ATAD5: variants seen among roughly 807,000 people sequenced by gnomAD.
The protein encoded by ATAD5 is ATPase family AAA domain-containing protein 5.
Under a neutral mutation model 176.9 loss-of-function variants are expected in ATAD5, and 58 were observed. The observed-to-expected ratio is 0.33, with a 90% CI of 0.27 to 0.41. The LOEUF is 0.41. Among genes scored for constraint, ATAD5 ranks in the 10% least tolerant of loss-of-function variants. The pLI, the probability that ATAD5 is intolerant of heterozygous loss-of-function variation, is 1.00. For synonymous variants in ATAD5, 640 were observed against 712.6 expected, an observed-to-expected ratio of 0.90 and a Z score of 1.62; for missense variants, 1,789 against 2,094.1, an observed-to-expected ratio of 0.85 and a Z score of 2.84.
chr17:30,852,810 C>T (rs764008303), intron 6 of ATAD5, among the ~76,000 whole-genome samples: 3 of 151,950 alleles, frequency 2.0e-5, no homozygotes, highest in Non-Finnish European at 4.4e-5. Flanking sequence ...GTGAGGACAG[C>T]ACCAATCCGT....
intron 6 of ATAD5, among the ~76,000 whole-genome samples, chr17:30,851,530 G>A (rs1026683277): frequency 1.3e-5 from 2 of 151,804 alleles, no homozygotes; most frequent in African/African-American, 2.4e-5. Flanking sequence ...GGGTAGGCCA[G>A]GCATAGTGGC....
intron 6 of ATAD5, among the ~76,000 whole-genome samples, chr17:30,854,153 A>C (rs1907147121): frequency 6.7e-6 from 1 of 148,622 alleles, no homozygotes; most frequent in South Asian, 2.1e-4. Context: ...TATTAAATAA[A>C]TTTTAAAAAT....
Position 30,844,000 on chromosome 17 carries a change from C to G in ATAD5, c.2329C>G (p.Leu777Val), listed in dbSNP as rs1262903513. The G allele has an allele frequency of 6.4e-7, 1 of 1,559,994 alleles. No individual in the cohort carries two copies. The highest frequency in any genetic ancestry group is 8.6e-7 in the Non-Finnish European group (1 of 1,156,324). The change falls in exon 5 of 23, where the codon CTA (leucine) becomes GTA (valine). Residue 777 changes from leucine to valine, a missense_variant. Transcript: ENST00000321990. ...GAAACTTCAGTGTTTGAATGATGTGCTAGGAAAAAAACTTAACACATCCAC... is the reference window on the plus strand; with the variant it reads ...GAAACTTCAGTGTTTGAATGATGTGGTAGGAAAAAAACTTAACACATCCAC... ...QKKLQCLNDVLGKKLNTSTKN... is the reference protein window; with the variant it reads ...QKKLQCLNDVVGKKLNTSTKN...
At chr17:30,875,694 G>A (rs1908616594) in intron 14 of ATAD5, among the ~76,000 whole-genome samples, 1 of 151,774 alleles carries the variant, frequency 6.6e-6, no homozygotes, top group Admixed American at 6.6e-5. Flanking sequence ...CTACTTGGGG[G>A]GCTGGGCAGG....
chr17:30,837,831 C>T (rs1342519632), intron 3 of ATAD5, among the ~76,000 whole-genome samples: 1 of 152,190 alleles, frequency 6.6e-6, no homozygotes, highest in Non-Finnish European at 1.5e-5. Flanking sequence ...AATACCATTA[C>T]ATAGTGGGTT....
chr17:30,853,722 C>A (rs1375106936), intron 6 of ATAD5, among the ~76,000 whole-genome samples: 2 of 152,164 alleles, frequency 1.3e-5, no homozygotes, highest in Non-Finnish European at 2.9e-5. Flanking sequence ...ACTACTCCAA[C>A]CTCCCATTCT....
chr17:30,881,541 A>C (rs1221817383), intron 18 of ATAD5, among the ~76,000 whole-genome samples: 3 of 152,132 alleles, frequency 2.0e-5, no homozygotes, highest in African/African-American at 7.2e-5. Context: ...GACCTCAAGT[A>C]ATCCACCCAC....
rs1908774379 is a variant in ATAD5, at chr17:30,877,999, G to A, written c.3919-4G>A. 1 of 1,588,758 alleles carries A rather than the reference G, an allele frequency of 6.3e-7. No homozygotes were observed. Among genetic ancestry groups the A allele is most frequent in the African/African-American group, 1.3e-5 (1 of 74,318 alleles). On this transcript the variant is annotated splice_region_variant and splice_polypyrimidine_tract_variant and intron_variant, in intron 16 of 22. Transcript: ENST00000321990. ...TAATATATTAATATTCTAATAAACTGTAGGTTGATGTAATTTTTGATGAAG... is the reference window on the plus strand; with the variant it reads ...TAATATATTAATATTCTAATAAACTATAGGTTGATGTAATTTTTGATGAAG...
chr17:30,832,065 C>A lies in ATAD5; in HGVS notation c.-283C>A, dbSNP rs1439822066. 2.6e-6 allele frequency: 1 copy of A among 382,134 alleles called. No individual in the cohort carries two copies. Among genetic ancestry groups the A allele is most frequent in the East Asian group, 3.7e-5 (1 of 26,680 alleles). 23.7% of individuals were successfully genotyped at this position (382,134 alleles called of 1,614,324 possible). On this transcript the variant is annotated 5_prime_UTR_variant, in exon 1 of 23. Transcript: ENST00000321990. ...TGCTTTCCCTGCCCGGTCCCGAGCG[C>A]TCAGCCTGAAGCGCCGCTTTCGAGG...
chr17:30,856,373 T>C (rs1185909969), intron 7 of ATAD5, among the ~76,000 whole-genome samples: 1 of 152,188 alleles, frequency 6.6e-6, no homozygotes, highest in Admixed American at 6.6e-5. Context: ...GTGGCAGAGG[T>C]TGGGTTTGAA....
At chr17:30,885,415 T>C (rs946402012) in intron 18 of ATAD5, among the ~76,000 whole-genome samples, 4 of 152,120 alleles carry the variant, frequency 2.6e-5, no homozygotes, top group Non-Finnish European at 5.9e-5. Flanking sequence ...TCCTTTGTTT[T>C]TTCTGCCTTT....
intron 10 of ATAD5, chr17:30,862,948 T>A (rs1907729424): frequency 6.6e-6 from 1 of 151,598 alleles, no homozygotes; most frequent in Non-Finnish European, 1.5e-5. Context: ...CCCAGCACTT[T>A]GAGAGGCCGA....
At chr17:30,865,611 C>CTG in intron 10 of ATAD5, 93 bp from the exon 11 acceptor site, 1 of 687,956 alleles carries the variant, frequency 1.5e-6, no homozygotes, top group Non-Finnish European at 2.3e-6. Flanking sequence ...CAAATACCTA[C>CTG]TGTGACATTG....
rs963495322 is a variant in ATAD5, at chr17:30,894,981, G to T, written c.*68G>T. Reference sequence around the variant, plus strand: ...CTTAAGATACATTTTTATATTATGTGGATCTTCATGGAAAAGTATATTTCT... The same window carrying T: ...CTTAAGATACATTTTTATATTATGTTGATCTTCATGGAAAAGTATATTTCT... On this transcript the variant is annotated 3_prime_UTR_variant, in exon 23 of 23. Transcript: ENST00000321990. 3 of 994,398 alleles carry T rather than the reference G, an allele frequency of 3.0e-6. No homozygotes were observed. The highest frequency in any genetic ancestry group is 3.3e-5 in the African/African-American group (2 of 59,944). The allele number at this position is 994,398 out of a possible 1,614,324, so 61.6% of individuals were successfully genotyped here. A position where few individuals can be genotyped will look rare whatever the true frequency, so the allele number is the denominator to read the frequency against.
chr17:30,880,843 T>G (rs1172424623), intron 18 of ATAD5, among the ~76,000 whole-genome samples: 4 of 152,076 alleles, frequency 2.6e-5, no homozygotes, highest in Non-Finnish European at 4.4e-5. Context: ...CTTACATGAA[T>G]AACTTAATGA....
At chr17:30,888,592 T>G (rs1909447819) in intron 19 of ATAD5, among the ~76,000 whole-genome samples, 1 of 152,026 alleles carries the variant, frequency 6.6e-6, no homozygotes, top group Non-Finnish European at 1.5e-5. Context: ...AAACTGGATC[T>G]AGAAAGTTGG....
chr17:30,881,491 C>T (rs879603480), intron 18 of ATAD5, among the ~76,000 whole-genome samples: 10 of 152,142 alleles, frequency 6.6e-5, no homozygotes, highest in Non-Finnish European at 8.8e-5. Flanking sequence ...TTAGTAGAGA[C>T]GGGATTTCGC....
At chr17:30,890,571 A>T (rs761107959) in intron 19 of ATAD5, among the ~76,000 whole-genome samples, 8 of 151,328 alleles carry the variant, frequency 5.3e-5, no homozygotes, top group Non-Finnish European at 1.0e-4. Flanking sequence ...ACAGGCGTGT[A>T]CCACCACACC....
intron 3 of ATAD5, 53 bp from the exon 4 acceptor site, chr17:30,840,564 A>C: frequency 8.3e-7 from 1 of 1,202,584 alleles, no homozygotes; most frequent in Non-Finnish European, 1.1e-6. Flanking sequence ...TTCTATTATT[A>C]AATATAAAAT....
Sources: gnomAD v4.1 joint callset for allele counts (sites outside exome capture counted in the v4.1 genomes callset) on GRCh38, gnomAD v4.1.1 for gene constraint, MANE v1.5 for transcripts, NCBI Gene and HGNC (gene_info 2026-07-23, HGNC 2026-07-21) for gene names.